PFDN1: variants seen among roughly 807,000 people sequenced by gnomAD.
The protein encoded by PFDN1 is prefoldin subunit 1, also known as prefoldin 1.
In PFDN1, 6 loss-of-function variants were observed where a neutral mutation model predicts 17.3. That is an observed-to-expected ratio of 0.35 (90% CI 0.19 to 0.69). The LOEUF is 0.69. Among genes scored for constraint, PFDN1 ranks in the 30% least tolerant of loss-of-function variants. The pLI is 0.65. For missense variants in PFDN1, 113 were observed against 146.2 expected (o/e 0.77, Z 1.17); for synonymous variants, 58 against 50.1 (o/e 1.16, Z -0.67).
intron 2 of PFDN1, 184 bp from the exon 3 acceptor site, chr5:140,281,717 T>TAA: frequency 1.8e-6 from 1 of 545,426 alleles, no homozygotes; most frequent in Non-Finnish European, 3.3e-6. Context: ...AATAAAGGCT[T>TAA]AAAAGTAGAT....
chr5:140,246,763 A>G (rs1184507707), intron 3 of PFDN1, among the ~76,000 whole-genome samples: 1 of 152,210 alleles, frequency 6.6e-6, no homozygotes, highest in Non-Finnish European at 1.5e-5. Flanking sequence ...GTCAAAGGAA[A>G]TGATGTCTGT....
chr5:140,285,169 T>TA (rs1187934940), intron 2 of PFDN1, among the ~76,000 whole-genome samples: 1 of 152,132 alleles, frequency 6.6e-6, no homozygotes, highest in African/African-American at 2.4e-5. Flanking sequence ...AGAGGGTGTC[T>TA]AAAAACGTAT....
At chr5:140,275,602 T>C (rs774562835) in intron 3 of PFDN1, among the ~76,000 whole-genome samples, 1 of 151,988 alleles carries the variant, frequency 6.6e-6, no homozygotes, top group South Asian at 2.1e-4. Flanking sequence ...AAACAAAGTC[T>C]AGGTAAGCTT....
At chr5:140,277,778 G>A (rs1376725895) in intron 3 of PFDN1, among the ~76,000 whole-genome samples, 3 of 151,532 alleles carry the variant, frequency 2.0e-5, no homozygotes, top group African/African-American at 7.3e-5. Context: ...ACACATCCCA[G>A]AGAAACTACA....
chr5:140,268,324 G>A (rs1765161075), intron 3 of PFDN1, among the ~76,000 whole-genome samples: 1 of 151,654 alleles, frequency 6.6e-6, no homozygotes, highest in African/African-American at 2.4e-5. Flanking sequence ...CACAAAAAAA[G>A]TTATTAAAAT....
intron 3 of PFDN1, among the ~76,000 whole-genome samples, chr5:140,273,681 T>C (rs1053426961): frequency 6.6e-6 from 1 of 152,090 alleles, no homozygotes; most frequent in Non-Finnish European, 1.5e-5. Flanking sequence ...ACATATGATA[T>C]GGGCTGGGGA....
chr5:140,296,338 T>C (rs781175440), intron 2 of PFDN1, among the ~76,000 whole-genome samples: 1 of 152,108 alleles, frequency 6.6e-6, no homozygotes, highest in Non-Finnish European at 1.5e-5. Context: ...GTGCCAGACA[T>C]TATACTGAGA....
At chr5:140,288,410 T>G (rs551320979) in intron 2 of PFDN1, among the ~76,000 whole-genome samples, 2 of 151,812 alleles carry the variant, frequency 1.3e-5, no homozygotes, top group South Asian at 4.2e-4. Context: ...GGGAAGACAG[T>G]GGGGAAGGAA....
At chr5:140,294,917 T>C (rs1460509565) in intron 2 of PFDN1, among the ~76,000 whole-genome samples, 1 of 151,958 alleles carries the variant, frequency 6.6e-6, no homozygotes, top group African/African-American at 2.4e-5. Context: ...CATTCTTAGT[T>C]CCTTAAATGT....
intron 3 of PFDN1, among the ~76,000 whole-genome samples, chr5:140,273,220 G>A (rs966253517): frequency 1.3e-5 from 2 of 150,522 alleles, no homozygotes; most frequent in African/African-American, 4.9e-5. Flanking sequence ...ACTCTAGCCT[G>A]GGCAACAGAG....
At chr5:140,251,988 G>T (rs1347162242) in intron 3 of PFDN1, among the ~76,000 whole-genome samples, 3 of 143,802 alleles carry the variant, frequency 2.1e-5, no homozygotes, top group Non-Finnish European at 3.1e-5. Context: ...CTCTAAATTA[G>T]TTTTTTTTTT....
At chr5:140,281,780 A>T (rs1765405625) in intron 2 of PFDN1, 1 of 366,182 alleles carries the variant, frequency 2.7e-6, no homozygotes, top group Admixed American at 4.5e-5. Context: ...GTGTGGGCCT[A>T]CAGTCCCAGA....
intron 2 of PFDN1, among the ~76,000 whole-genome samples, chr5:140,298,269 T>G (rs989787514): frequency 6.6e-6 from 1 of 152,162 alleles, no homozygotes; most frequent in African/African-American, 2.4e-5. Context: ...GCAGGTCTAC[T>G]TCTCATGATG....
At chr5:140,270,278 T>C (rs770727004) in intron 3 of PFDN1, among the ~76,000 whole-genome samples, 1 of 152,122 alleles carries the variant, frequency 6.6e-6, no homozygotes, top group Non-Finnish European at 1.5e-5. Flanking sequence ...TAAGGACATA[T>C]GGTTAGACAG....
At chr5:140,300,370 C>A in intron 2 of PFDN1, 46 bp downstream of exon 2, 1 of 1,407,094 alleles carries the variant, frequency 7.1e-7, no homozygotes, top group Non-Finnish European at 9.9e-7. Flanking sequence ...TTAACTCGGA[C>A]AAAAGCACTC....
chr5:140,282,195 T>TAAAAAAAAAAAA (rs34012371), intron 2 of PFDN1: 23 of 124,260 alleles, frequency 1.9e-4, no homozygotes, highest in Non-Finnish European at 2.5e-4. Context: ...TTAAAAACAT[T>TAAAAAAAAAAAA]AAAAAAAAAA....
intron 3 of PFDN1, among the ~76,000 whole-genome samples, chr5:140,266,100 T>C (rs1765130026): frequency 6.6e-6 from 1 of 152,052 alleles, no homozygotes. Context: ...CCATTCCAGA[T>C]CTCTTGTGGA....
chr5:140,264,663 C>T (rs1046695628), intron 3 of PFDN1, among the ~76,000 whole-genome samples: 1 of 151,584 alleles, frequency 6.6e-6, no homozygotes, highest in African/African-American at 2.4e-5. Flanking sequence ...ATAGGGAGAC[C>T]CTGTCTTTAC....
intron 2 of PFDN1, among the ~76,000 whole-genome samples, chr5:140,291,369 A>T (rs544131750): frequency 1.4e-4 from 21 of 152,204 alleles, no homozygotes; most frequent in Non-Finnish European, 3.1e-4. Flanking sequence ...AGATTGAAAG[A>T]GAGGGGCCAA....
Sources: gnomAD v4.1 joint callset for allele counts (sites outside exome capture counted in the v4.1 genomes callset) on GRCh38, gnomAD v4.1.1 for gene constraint, MANE v1.5 for transcripts, NCBI Gene and HGNC (gene_info 2026-07-23, HGNC 2026-07-21) for gene names.